TJP1: variants seen among roughly 807,000 people sequenced by gnomAD.
TJP1 encodes the protein tight junction protein ZO-1.
In TJP1, 43 loss-of-function variants were observed where a neutral mutation model predicts 194.2. The observed-to-expected ratio is 0.22, with a 90% CI of 0.17 to 0.29. The LOEUF is 0.29. TJP1 is among the 10% of genes least tolerant of loss of function. The pLI, the probability that TJP1 is intolerant of heterozygous loss-of-function variation, is 1.00. For missense variants in TJP1, 1,971 were observed against 2,185.7 expected, an observed-to-expected ratio of 0.90 and a Z score of 1.96; for synonymous variants, 801 against 779.0, an observed-to-expected ratio of 1.03 and a Z score of -0.47.
At chr15:29,926,026 G>A (rs757772402) in intron 2 of TJP1, among the ~76,000 whole-genome samples, 2 of 152,120 alleles carry the variant, frequency 1.3e-5, no homozygotes, top group African/African-American at 4.8e-5. Flanking sequence ...GGAGGGAGCC[G>A]CCAGCTAGTG....
intron 2 of TJP1, among the ~76,000 whole-genome samples, chr15:29,880,549 C>T (rs1201900241): frequency 1.3e-5 from 2 of 152,194 alleles, no homozygotes; most frequent in East Asian, 1.9e-4. Flanking sequence ...AGAACTTACT[C>T]ATCTTGCATA....
chr15:29,950,916 T>C (rs2055725976), intron 2 of TJP1, among the ~76,000 whole-genome samples: 1 of 152,276 alleles, frequency 6.6e-6, no homozygotes, highest in Non-Finnish European at 1.5e-5. Context: ...AGGCTGATGG[T>C]AATAGCTGTA....
chr15:29,898,870 GA>G (rs1422560547), intron 2 of TJP1, among the ~76,000 whole-genome samples: 1 of 152,104 alleles, frequency 6.6e-6, no homozygotes, highest in East Asian at 1.9e-4. Context: ...TTGGAGTGAG[GA>G]AACAATAAAA....
chr15:29,872,278 G>A (rs899179789), intron 2 of TJP1, among the ~76,000 whole-genome samples: 1 of 152,100 alleles, frequency 6.6e-6, no homozygotes, highest in Non-Finnish European at 1.5e-5. Flanking sequence ...TAGATTATGT[G>A]GCAACCTGAT....
intron 1 of TJP1, among the ~76,000 whole-genome samples, chr15:29,809,389 T>C (rs1240089497): frequency 1.3e-5 from 2 of 152,200 alleles, no homozygotes; most frequent in Non-Finnish European, 2.9e-5. Context: ...ATTCATACTG[T>C]TAAAATTTCT....
intron 8 of TJP1, chr15:29,760,444 C>T (rs956423650): frequency 4.6e-5 from 25 of 549,194 alleles, no homozygotes; most frequent in African/African-American, 2.5e-4. Context: ...GGTGCGATCT[C>T]GGCTCACTGC....
intron 2 of TJP1, among the ~76,000 whole-genome samples, chr15:29,861,931 G>A (rs192443182): frequency 1.4e-4 from 22 of 152,240 alleles, no homozygotes; most frequent in African/African-American, 4.3e-4. Context: ...CCAAGGTCAT[G>A]AAGACTTACT....
At chr15:29,722,898 T>C (rs916384428) in intron 18 of TJP1, among the ~76,000 whole-genome samples, 1 of 152,200 alleles carries the variant, frequency 6.6e-6, no homozygotes, top group African/African-American at 2.4e-5. Flanking sequence ...CTTTAAGATT[T>C]AATGACTAAT....
At chr15:29,767,910 CT>C (rs2046421825) in intron 4 of TJP1, among the ~76,000 whole-genome samples, 2 of 152,150 alleles carry the variant, frequency 1.3e-5, no homozygotes, top group African/African-American at 4.8e-5. Flanking sequence ...ACCTCTAAGA[CT>C]TTTTTCTTCA....
At chr15:29,943,132 G>A (rs1445491502) in intron 2 of TJP1, among the ~76,000 whole-genome samples, 1 of 152,168 alleles carries the variant, frequency 6.6e-6, no homozygotes, top group Admixed American at 6.5e-5. Flanking sequence ...AACACTAGAA[G>A]ATCGCCACAA....
intron 2 of TJP1, among the ~76,000 whole-genome samples, chr15:29,886,081 T>A (rs1196152524): frequency 6.6e-6 from 1 of 152,254 alleles, no homozygotes; most frequent in African/African-American, 2.4e-5. Flanking sequence ...AGGCTATGCC[T>A]GTTCTTTGAG....
In TJP1 at chr15:29,734,348, T is replaced by G; in HGVS notation, c.1442A>C (p.Glu481Ala). The change falls in exon 12 of 28, where the codon GAA becomes GCA. Residue 481 changes from glutamate to alanine, a missense_variant. Transcript: ENST00000614355. The part of the protein sequence containing the change: ...NNVDFTNIIR[E>A]EAVLFLLDLP... The stretch of plus-strand genomic sequence containing the variant: ...GTCAAGCAGGAAAAGGACGGCTTCT[T>G]CTCTTATGATATTTGTAAAATCTAC... 6.2e-7 allele frequency: 1 copy of G among 1,613,288 alleles called. No individual in the cohort carries two copies. Among genetic ancestry groups the G allele is most frequent in the Admixed American group, 1.7e-5 (1 of 59,904 alleles).
intron 1 of TJP1, among the ~76,000 whole-genome samples, chr15:29,961,295 CA>C: frequency 7.2e-6 from 1 of 139,640 alleles, no homozygotes; most frequent in East Asian, 2.4e-4. Context: ...GTAGGGAAAT[CA>C]ATATTTAGCT....
At chr15:29,720,293 A>G (rs750461757) in intron 19 of TJP1, 65 bp downstream of exon 19, 50 of 1,353,742 alleles carry the variant, frequency 3.7e-5, no homozygotes, top group Middle Eastern at 4.8e-4. Context: ...TTTTAACTCA[A>G]TCACCACATT....
intron 2 of TJP1, among the ~76,000 whole-genome samples, chr15:29,798,677 T>C (rs2048576905): frequency 1.3e-5 from 2 of 152,130 alleles, no homozygotes; most frequent in Non-Finnish European, 2.9e-5. Context: ...CCTAAGTATT[T>C]ACCCAAAAGA....
At position 29,773,362 on chromosome 15, in the gene TJP1, A is replaced by G. The variant is rs1426797713; in HGVS notation, c.85-5T>C. On this transcript the variant is annotated splice_polypyrimidine_tract_variant and splice_region_variant and intron_variant, in intron 2 of 27. Transcript: ENST00000614355. ...TCCAAATCCAAATCCAGGAGCCTAA[A>G]GTAAAAATTACAGTAAAATATTGCT... is the stretch of plus-strand genomic sequence containing the variant. The G allele has an allele frequency of 4.4e-5, 71 of 1,613,310 alleles. No individual in the cohort carries two copies. The highest frequency in any genetic ancestry group is 6.0e-5 in the Non-Finnish European group (71 of 1,179,554).
intron 18 of TJP1, among the ~76,000 whole-genome samples, chr15:29,724,952 C>T (rs2043153544): frequency 6.6e-6 from 1 of 152,158 alleles, no homozygotes; most frequent in African/African-American, 2.4e-5. Flanking sequence ...CTCTCAGATA[C>T]TACAAATGTA....
chr15:29,738,612 C>T (rs1415901134), intron 10 of TJP1, among the ~76,000 whole-genome samples: 2 of 152,044 alleles, frequency 1.3e-5, no homozygotes, highest in East Asian at 3.9e-4. Flanking sequence ...AGCTTTACTA[C>T]AAATGGTCCA....
At chr15:29,879,924 C>G (rs891820668) in intron 2 of TJP1, among the ~76,000 whole-genome samples, 8 of 152,044 alleles carry the variant, frequency 5.3e-5, no homozygotes, top group African/African-American at 1.9e-4. Context: ...GTCAGCCAGA[C>G]TGGGGACCAA....
Sources: gnomAD v4.1 joint callset for allele counts (sites outside exome capture counted in the v4.1 genomes callset) on GRCh38, gnomAD v4.1.1 for gene constraint, MANE v1.5 for transcripts, NCBI Gene and HGNC (gene_info 2026-07-23, HGNC 2026-07-21) for gene names.